TSPEAR: variants seen among roughly 807,000 people sequenced by gnomAD.
TSPEAR encodes thrombospondin type laminin G domain and EAR repeats, also known as thrombospondin-type laminin G domain and EAR repeat-containing protein.
Under a neutral mutation model 71.6 loss-of-function variants are expected in TSPEAR, and 69 were observed. The observed-to-expected ratio is 0.96, with a 90% CI of 0.79 to 1.18. TSPEAR has a LOEUF of 1.18. TSPEAR is among the 50% of genes most tolerant of loss of function. The pLI, the probability that TSPEAR is intolerant of heterozygous loss-of-function variation, is 0.00. For synonymous variants in TSPEAR, 402 were observed against 387.2 expected (o/e 1.04, Z -0.45); for missense variants, 971 against 894.9 (o/e 1.09, Z -1.09).
chr21:44,681,590 C>T (rs1270804710), intron 1 of TSPEAR: 2 of 486,724 alleles, frequency 4.1e-6, no homozygotes, highest in African/African-American at 3.8e-5. Flanking sequence ...ATGGGGAAAG[C>T]TGGTTTATTT....
chr21:44,529,321 G>A (rs1479421507), intron 5 of TSPEAR, among the ~76,000 whole-genome samples: 2 of 152,332 alleles, frequency 1.3e-5, no homozygotes, highest in African/African-American at 4.8e-5. Context: ...ATCAAGCGGG[G>A]AGGCCCTCTG....
At chr21:44,517,639 CT>C (rs1555913633) in intron 9 of TSPEAR, 1 of 400,494 alleles carries the variant, frequency 2.5e-6, no homozygotes, top group Non-Finnish European at 5.1e-6. Context: ...CCTTGTCTGA[CT>C]TGATATGAGA....
intron 1 of TSPEAR, chr21:44,627,081 C>T: frequency 6.4e-7 from 1 of 1,550,816 alleles, no homozygotes; most frequent in African/African-American, 1.4e-5. Flanking sequence ...GCCTGAGAGC[C>T]CCAAGAACCT....
chr21:44,612,442 C>T lies in TSPEAR; in HGVS notation c.83-44437G>A, dbSNP rs144828177. The T allele has an allele frequency of 5.5e-5, 89 of 1,614,000 alleles. No individual in the cohort carries two copies. Among genetic ancestry groups the T allele is most frequent in the Non-Finnish European group, 7.5e-5 (88 of 1,180,020 alleles). On this transcript the variant is annotated intron_variant, in intron 1 of 11. Transcript: ENST00000323084. This position sits in a 1 kb window ranked among gnomAD's most constrained non-coding sequence, Gnocchi z 4.1. The stretch of plus-strand genomic sequence containing the variant: ...CGGCTTGCTGCACCTCCTCCCCCTG[C>T]CAACAGGCCTGCTGTGTGCCTGTGT...
At chr21:44,607,280 A>G (rs1555930003) in intron 1 of TSPEAR, among the ~76,000 whole-genome samples, 2 of 152,186 alleles carry the variant, frequency 1.3e-5, no homozygotes, top group African/African-American at 2.4e-5. Flanking sequence ...GGGTTTCACC[A>G]TGTTGGCCAG....
chr21:44,704,007 T>C (rs1555951909), intron 1 of TSPEAR, among the ~76,000 whole-genome samples: 1 of 152,202 alleles, frequency 6.6e-6, no homozygotes, highest in African/African-American at 2.4e-5. Context: ...GGACCCTTAG[T>C]GCAGGTCTAA....
At chr21:44,524,424 C>T (rs73379210) in intron 8 of TSPEAR, among the ~76,000 whole-genome samples, 11,930 of 151,278 alleles carry the variant, frequency 0.079, 1,625 homozygotes, top group African/African-American at 0.27. Context: ...GTCAGTCAGG[C>T]AGTCAATCAA....
intron 1 of TSPEAR, among the ~76,000 whole-genome samples, chr21:44,678,663 A>G (rs1814397816): frequency 6.6e-6 from 1 of 152,230 alleles, no homozygotes; most frequent in Admixed American, 6.5e-5. Flanking sequence ...AGCTGTCCCA[A>G]TTGGAAGAGA....
chr21:44,539,577 C>T lies in TSPEAR; in HGVS notation c.304-5654G>A, dbSNP rs782718941. On this transcript the variant is annotated intron_variant, in intron 2 of 11. Coordinates refer to ENST00000323084, the MANE Select transcript of TSPEAR (RefSeq NM_144991.3). Reference sequence around the variant, plus strand: ...ACACAGCAGATGGGCTTGCAGCAGACAGGCTTGCAACGGACGGGCACGCAG... The same window carrying T: ...ACACAGCAGATGGGCTTGCAGCAGATAGGCTTGCAACGGACGGGCACGCAG... 5.0e-6 allele frequency: 8 copies of T among 1,613,606 alleles called. No homozygotes were observed. Among genetic ancestry groups the T allele is most frequent in the Middle Eastern group, 1.7e-4 (1 of 6,058 alleles).
chr21:44,515,430 A>T (rs1478015473), intron 9 of TSPEAR: 1 of 152,378 alleles, frequency 6.6e-6, no homozygotes, highest in Non-Finnish European at 1.5e-5. Context: ...TGGGAGCTGC[A>T]GCCGTGCTTC....
chr21:44,711,290 C>T lies in TSPEAR; in HGVS notation c.82+143G>A, dbSNP rs1988207070. The T allele has an allele frequency of 5.7e-6, 4 of 704,080 alleles. No homozygotes were observed. In the African/African-American group the frequency reaches 7.1e-5, roughly 13 times the overall value. The allele number at this position is 704,080 out of a possible 1,614,324, so 43.6% of individuals were successfully genotyped here. On this transcript the variant is annotated intron_variant, in intron 1 of 11. Transcript: ENST00000323084. The surrounding 1 kb of genome is among the most constrained non-coding windows in gnomAD (Gnocchi z 4.5). ...CTCCTCCCGCCTCTGCCCATCTCCA[C>T]AGGGTGCTACCTGCCAGTCCTGCCA...
At chr21:44,513,957 G>A (rs1391575786) in intron 9 of TSPEAR, among the ~76,000 whole-genome samples, 1 of 152,138 alleles carries the variant, frequency 6.6e-6, no homozygotes, top group African/African-American at 2.4e-5. Context: ...TGAGAGAACT[G>A]GGCTCAGCAC....
chr21:44,499,958 CCGGGTCAGCCTGGGCTCTG>C, intron 11 of TSPEAR, 22 bp from the exon 12 acceptor site: 12 of 1,589,352 alleles, frequency 7.6e-6, no homozygotes, highest in Non-Finnish European at 9.4e-6. Context: ...ACAGCGGCAG[CCGGGTCAGCCTGGGCTCTG>C]CGGGGCAGCT....
chr21:44,556,511 T>C (rs2146043581), intron 2 of TSPEAR, among the ~76,000 whole-genome samples: 1 of 152,058 alleles, frequency 6.6e-6, no homozygotes, highest in Non-Finnish European at 1.5e-5. Context: ...GCCAAGATGG[T>C]GAAACCCCGT....
chr21:44,654,469 A>C, intron 1 of TSPEAR: 1 of 1,613,926 alleles, frequency 6.2e-7, no homozygotes, highest in South Asian at 1.1e-5. Flanking sequence ...TACCCCACAC[A>C]GGGGCCGGCA....
Position 44,612,323 on chromosome 21 carries a change from G to T in TSPEAR, c.83-44318C>A. ...TGCCCCAGCCCCCTGCCTGGCCCTGGTCTGTGCCCCAGTGAGCTGTGAGCC... is the reference window on the plus strand; with the variant it reads ...TGCCCCAGCCCCCTGCCTGGCCCTGTTCTGTGCCCCAGTGAGCTGTGAGCC... On this transcript the variant is annotated intron_variant, in intron 1 of 11. Coordinates refer to ENST00000323084, the MANE Select transcript of TSPEAR (RefSeq NM_144991.3). This position sits in a 1 kb window ranked among gnomAD's most constrained non-coding sequence, Gnocchi z 4.1. 6.2e-7 allele frequency: 1 copy of T among 1,613,598 alleles called. No homozygotes were observed. The highest frequency in any genetic ancestry group is 1.1e-5 in the South Asian group (1 of 91,072).
rs187041480 is a variant in TSPEAR, at chr21:44,533,610, G to A, written c.542+75C>T. 470 of 1,284,766 alleles carry A rather than the reference G, an allele frequency of 3.7e-4. 3 individuals are homozygous for A. The African/African-American group carries it at 5.5e-3, about 15-fold the overall frequency. 79.6% of individuals were successfully genotyped at this position (1,284,766 alleles called of 1,614,324 possible). ...ACAGCTCCTGCAGGTGTTGCTCGGC[G>A]AGCACGGCTGAAGGATGCCTGGCCT... is the stretch of plus-strand genomic sequence containing the variant. On this transcript the variant is annotated intron_variant, in intron 3 of 11. Coordinates refer to ENST00000323084, the MANE Select transcript of TSPEAR (RefSeq NM_144991.3).
intron 1 of TSPEAR, among the ~76,000 whole-genome samples, chr21:44,672,945 C>T (rs587760551): frequency 9.2e-5 from 14 of 152,340 alleles, no homozygotes; most frequent in East Asian, 3.9e-4. Context: ...TCCCAACCCA[C>T]GCTCCTTGTA....
intron 1 of TSPEAR, among the ~76,000 whole-genome samples, chr21:44,692,227 T>TG (rs1987151824): frequency 6.6e-6 from 1 of 152,216 alleles, no homozygotes; most frequent in South Asian, 2.1e-4. Context: ...ACAGCATGTA[T>TG]GAAAAACCCA....
Sources: gnomAD v4.1 joint callset for allele counts (sites outside exome capture counted in the v4.1 genomes callset) on GRCh38, gnomAD v4.1.1 for gene constraint, Gnocchi (gnomAD v3.1) non-coding constraint, MANE v1.5 for transcripts, NCBI Gene and HGNC (gene_info 2026-07-23, HGNC 2026-07-21) for gene names.